Variants in UPF2 observed in about 807,000 individuals in gnomAD.
The protein encoded by UPF2 is UPF2 regulator of nonsense mediated mRNA decay.
UPF2 carries 17 observed loss-of-function variants against 141.4 expected under a neutral mutation model. The ratio of observed to expected loss-of-function variants is 0.12; its 90% CI spans 0.08 to 0.18. UPF2 has a LOEUF of 0.18. Among genes scored for constraint, UPF2 ranks in the 10% least tolerant of loss-of-function variants. The pLI is 1.00. For missense variants in UPF2, 1,152 were observed against 1,515.9 expected, an observed-to-expected ratio of 0.76 and a Z score of 3.99; for synonymous variants, 540 against 498.0, an observed-to-expected ratio of 1.08 and a Z score of -1.12.
At position 12,034,978 on chromosome 10, in the gene UPF2, A is replaced by G. The variant is rs569097557; in HGVS notation, c.365+81T>C. On this transcript the variant is annotated intron_variant, in intron 2 of 21. Coordinates refer to ENST00000357604, the MANE Select transcript of UPF2 (RefSeq NM_015542.4). ...CTTAAAGAGCTGCACCCAGGACGCT[A>G]TATTTCAAATAATGTTTTTTTCCCA... 3.6e-5 allele frequency: 54 copies of G among 1,500,464 alleles called. No individual in the cohort carries two copies. The East Asian group carries it at 6.4e-4, about 18-fold the overall frequency. The allele number at this position is 1,500,464 out of a possible 1,614,324, so 92.9% of individuals were successfully genotyped here.
At chr10:11,964,298 A>C (rs1833285037) in intron 10 of UPF2, among the ~76,000 whole-genome samples, 173 bp from the exon 11 acceptor site, 1 of 152,222 alleles carries the variant, frequency 6.6e-6, no homozygotes, top group African/African-American at 2.4e-5. Flanking sequence ...TTTTATTGAA[A>C]AACTTCAATA....
At position 11,929,903 on chromosome 10, in the gene UPF2, T is replaced by A; in HGVS notation, c.3771A>T (p.Gly1257=). ...ERRPRYQHPK[G]APNADLIFKT... ...TAAAGATTAGATCTGCATTAGGTGC[T>A]CCCTTCGGATGTTGGTAGCGAGGCC... The change falls in exon 21 of 22, where the codon GGA becomes GGT. Residue 1257 remains glycine, a synonymous_variant. Coordinates refer to ENST00000357604, the MANE Select transcript of UPF2 (RefSeq NM_015542.4). 1 of 1,614,224 alleles carries A rather than the reference T, an allele frequency of 6.2e-7. No individual in the cohort carries two copies. Among genetic ancestry groups the A allele is most frequent in the Non-Finnish European group, 8.5e-7 (1 of 1,180,040 alleles).
intron 9 of UPF2, among the ~76,000 whole-genome samples, chr10:11,973,246 G>C (rs2131217589): frequency 6.6e-6 from 1 of 152,228 alleles, no homozygotes; most frequent in South Asian, 2.1e-4. Context: ...ATTTTTTCTT[G>C]TAAATTTGTT....
chr10:12,020,841 C>T (rs1315265673), intron 3 of UPF2, among the ~76,000 whole-genome samples: 3 of 152,198 alleles, frequency 2.0e-5, no homozygotes, highest in Non-Finnish European at 4.4e-5. Flanking sequence ...CCAGAGTCCA[C>T]GCTCTGAAAT....
chr10:11,964,241 G>C, intron 10 of UPF2, 116 bp from the exon 11 acceptor site: 3 of 602,484 alleles, frequency 5.0e-6, no homozygotes, highest in East Asian at 3.1e-5. Flanking sequence ...ACAGAAGTGA[G>C]TCTACTTGGG....
chr10:11,929,837 G>C (rs369314913), intron 21 of UPF2, 28 bp downstream of exon 21: 68 of 1,611,436 alleles, frequency 4.2e-5, no homozygotes, highest in Non-Finnish European at 5.6e-5. Flanking sequence ...GAAACAAACA[G>C]CTAAGGAAGG....
chr10:11,953,909 T>C lies in UPF2; in HGVS notation c.2850+1323A>G, dbSNP rs966469139. Among the ~76,000 whole-genome samples the C allele has an allele frequency of 2.6e-5, 4 of 152,202 alleles. No individual in the cohort carries two copies. The South Asian group carries it at 8.3e-4, about 31-fold the overall frequency. ...TAACACACGCCACCATGTGGATGTATTTTTGATACTTCAAGTTACATTAAA... is the reference window on the plus strand; with the variant it reads ...TAACACACGCCACCATGTGGATGTACTTTTGATACTTCAAGTTACATTAAA... On this transcript the variant is annotated intron_variant, in intron 14 of 21. Transcript: ENST00000357604. The surrounding 1 kb of genome is among the most constrained non-coding windows in gnomAD (Gnocchi z 5.0).
At chr10:11,951,061 T>C (rs913225623) in intron 15 of UPF2, among the ~76,000 whole-genome samples, 6 of 152,066 alleles carry the variant, frequency 3.9e-5, no homozygotes, top group Non-Finnish European at 5.9e-5. Context: ...CACTTTTTAT[T>C]TATTTACTTT....
intron 21 of UPF2, among the ~76,000 whole-genome samples, chr10:11,927,774 G>C (rs1423094662): frequency 6.6e-6 from 1 of 152,086 alleles, no homozygotes; most frequent in Admixed American, 6.5e-5. Flanking sequence ...TGACAAGCCA[G>C]TTTTCTACAT....
chr10:11,934,800 G>C (rs1438243056), intron 19 of UPF2, among the ~76,000 whole-genome samples: 1 of 152,118 alleles, frequency 6.6e-6, no homozygotes, highest in African/African-American at 2.4e-5. Flanking sequence ...ATGTTGGTCA[G>C]GCTGGTCTTG....
intron 4 of UPF2, among the ~76,000 whole-genome samples, chr10:12,007,888 G>C (rs1834061419): frequency 6.8e-6 from 1 of 146,906 alleles, no homozygotes; most frequent in Admixed American, 7.0e-5. Context: ...AATATACAAA[G>C]TGCTTTTTTT....
At chr10:12,000,797 C>T (rs1196739951) in intron 6 of UPF2, among the ~76,000 whole-genome samples, 1 of 151,910 alleles carries the variant, frequency 6.6e-6, no homozygotes, top group African/African-American at 2.4e-5. Context: ...GAGTGAAACC[C>T]TGTCTCAAAA....
At chr10:11,993,526 C>G (rs1157933064) in intron 8 of UPF2, among the ~76,000 whole-genome samples, 3 of 141,002 alleles carry the variant, frequency 2.1e-5, no homozygotes, top group Admixed American at 7.0e-5. Context: ...TCAAAAATTC[C>G]AAAAAAAAAA....
rs977075591 is a variant in UPF2 at position 12,028,882 on chromosome 10, C to T, written c.1008G>A (p.Leu336=). 6.2e-7 allele frequency: 1 copy of T among 1,613,992 alleles called. No homozygotes were observed. Among genetic ancestry groups the T allele is most frequent in the African/African-American group, 1.3e-5 (1 of 74,918 alleles). ...TAATTATCTCACTAGGAGGAAAACT[C>T]AAATTAAACTTCTCTGCAGCACTCT... ...KVKSAAEKFN[L]SFPPSEIISP... is the part of the protein sequence containing the mutation. Residue 336 remains leucine, a synonymous_variant, in exon 3 of 22, where the codon TTG becomes TTA. Transcript: ENST00000357604.
chr10:11,942,930 A>T, intron 17 of UPF2, 134 bp downstream of exon 17: 1 of 941,882 alleles, frequency 1.1e-6, no homozygotes, highest in East Asian at 2.6e-5. Flanking sequence ...ATGGTTAGGA[A>T]AACAAATTGA....
At chr10:12,025,896 C>T (rs1356005024) in intron 3 of UPF2, among the ~76,000 whole-genome samples, 1 of 152,144 alleles carries the variant, frequency 6.6e-6, no homozygotes, top group Admixed American at 6.5e-5. Context: ...CCAGGCTCAA[C>T]TGATCCTCCC....
rs534682586 is a variant in UPF2 at position 11,980,329 on chromosome 10, C to T, written c.1845-1164G>A. 5.9e-5 allele frequency among the ~76,000 whole-genome samples: 9 copies of T among 152,310 alleles called. No individual in the cohort carries two copies. In the East Asian group the frequency reaches 1.7e-3, roughly 29 times the overall value. ...CTGATAAAAGCAGCTTAACTGACAG[C>T]AGCAAATAATGGAGCTGACAGTGAG... is the stretch of plus-strand genomic sequence containing the variant. On this transcript the variant is annotated intron_variant, in intron 8 of 21. Coordinates refer to ENST00000357604, the MANE Select transcript of UPF2 (RefSeq NM_015542.4). This position sits in a 1 kb window ranked among gnomAD's most constrained non-coding sequence, Gnocchi z 4.2.
At chr10:12,020,054 T>C (rs918491058) in intron 3 of UPF2, among the ~76,000 whole-genome samples, 15 of 152,056 alleles carry the variant, frequency 9.9e-5, no homozygotes, top group African/African-American at 3.1e-4. Flanking sequence ...AATTTAATAT[T>C]ATAAAACCAA....
intron 3 of UPF2, chr10:12,026,601 TAAA>T (rs1834423719): frequency 2.2e-6 from 1 of 449,458 alleles, no homozygotes; most frequent in Non-Finnish European, 4.4e-6. Context: ...GACACTTCTG[TAAA>T]AATATAGTAA....
Sources: allele counts gnomAD v4.1 joint callset (sites outside exome capture counted in the v4.1 genomes callset), GRCh38; gene constraint gnomAD v4.1.1; non-coding constraint Gnocchi (gnomAD v3.1); transcripts MANE v1.5; gene names NCBI Gene and HGNC (gene_info 2026-07-23, HGNC 2026-07-21).